Variants in NXPE4 observed in about 807,000 individuals in gnomAD.
The protein encoded by NXPE4 is NXPE family member 4.
NXPE4 carries 42 observed loss-of-function variants against 33.3 expected under a neutral mutation model. That is an observed-to-expected ratio of 1.26 (90% CI 0.98 to 1.63). The LOEUF is 1.63. Among genes scored for constraint, NXPE4 ranks in the 40% most tolerant of loss-of-function variants. The pLI, the probability that NXPE4 is intolerant of heterozygous loss-of-function variation, is 0.00. For missense variants in NXPE4, 709 were observed against 647.6 expected, an observed-to-expected ratio of 1.09 and a Z score of -1.03; for synonymous variants, 253 against 234.9, an observed-to-expected ratio of 1.08 and a Z score of -0.71.
the NXPE4 span, among the ~76,000 whole-genome samples, chr11:114,626,668 C>A: frequency 1.3e-5 from 2 of 152,148 alleles, no homozygotes; most frequent in Non-Finnish European, 2.9e-5. Context: ...CAAAGCTGGA[C>A]GGAGAATGAC....
chr11:114,631,431 C>A, the NXPE4 span, among the ~76,000 whole-genome samples: 2 of 148,792 alleles, frequency 1.3e-5, no homozygotes, highest in Non-Finnish European at 3.0e-5. Flanking sequence ...GAACAAAAAA[C>A]CAAACACTGC....
intron 5 of NXPE4, among the ~76,000 whole-genome samples, chr11:114,578,438 C>CTT (rs1471245629): frequency 2.6e-5 from 4 of 152,236 alleles, no homozygotes; most frequent in African/African-American, 9.6e-5. Context: ...GAATGTGATG[C>CTT]TAAAGGCTGT....
At chr11:114,618,075 C>A in the NXPE4 span, among the ~76,000 whole-genome samples, 2 of 151,848 alleles carry the variant, frequency 1.3e-5, no homozygotes, top group African/African-American at 4.8e-5. Context: ...AGTGTTGCCT[C>A]ATGGGTAACC....
chr11:114,581,906 G>T, intron 3 of NXPE4, 120 bp from the exon 4 acceptor site: 1 of 701,320 alleles, frequency 1.4e-6, no homozygotes, highest in Non-Finnish European at 2.4e-6. Flanking sequence ...TATGCCTACA[G>T]TTTCAGGCCA....
the NXPE4 span, among the ~76,000 whole-genome samples, chr11:114,676,069 C>T: frequency 6.6e-6 from 1 of 151,802 alleles, no homozygotes; most frequent in Non-Finnish European, 1.5e-5. Context: ...GAAACTAGAA[C>T]CTTATCTCAC....
At chr11:114,667,964 C>T in the NXPE4 span, among the ~76,000 whole-genome samples, 43 of 151,862 alleles carry the variant, frequency 2.8e-4, no homozygotes, top group East Asian at 7.0e-3. Flanking sequence ...ACAGAGGATA[C>T]AGAAACAAGC....
chr11:114,611,978 A>G, the NXPE4 span, among the ~76,000 whole-genome samples: 1,321 of 151,970 alleles, frequency 8.7e-3, 8 homozygotes, highest in Middle Eastern at 0.024. Context: ...CTCGTGGGTA[A>G]CCACAGTTAC....
chr11:114,582,224 G>T, intron 3 of NXPE4, 64 bp downstream of exon 3: 4 of 1,481,270 alleles, frequency 2.7e-6, no homozygotes, highest in South Asian at 1.4e-5. Context: ...ACTTTTCTTT[G>T]GATCAGTATA....
chr11:114,673,384 C>G, the NXPE4 span, among the ~76,000 whole-genome samples: 1 of 151,190 alleles, frequency 6.6e-6, no homozygotes, highest in East Asian at 1.9e-4. Context: ...GAAGAAAGAT[C>G]TCAAATCAAT....
At chr11:114,571,565 T>C in intron 5 of NXPE4, 92 bp from the exon 6 acceptor site, 1 of 1,142,090 alleles carries the variant, frequency 8.8e-7, no homozygotes, top group Non-Finnish European at 1.2e-6. Flanking sequence ...ATTGGTATAA[T>C]TAAATAAGCT....
chr11:114,634,122 CTGT>C, the NXPE4 span, among the ~76,000 whole-genome samples: 2 of 151,518 alleles, frequency 1.3e-5, no homozygotes, highest in Non-Finnish European at 2.9e-5. Context: ...TCTCCAGCAC[CTGT>C]TGTTTCCTGA....
chr11:114,626,721 G>A, the NXPE4 span, among the ~76,000 whole-genome samples: 27,358 of 152,116 alleles, frequency 0.18, 2,837 homozygotes, highest in Non-Finnish European at 0.22. Flanking sequence ...AAATTATTCC[G>A]AGCTATGGGA....
At chr11:114,642,467 C>T in the NXPE4 span, among the ~76,000 whole-genome samples, 1 of 152,044 alleles carries the variant, frequency 6.6e-6, no homozygotes, top group African/African-American at 2.4e-5. Flanking sequence ...TTTTCCCCTC[C>T]CTGTGTCCAT....
chr11:114,627,338 A>C, the NXPE4 span, among the ~76,000 whole-genome samples: 1 of 152,156 alleles, frequency 6.6e-6, no homozygotes, highest in African/African-American at 2.4e-5. Flanking sequence ...AAACTCTACA[A>C]GCCAGAAGAG....
the NXPE4 span, among the ~76,000 whole-genome samples, chr11:114,607,628 A>G: frequency 6.6e-6 from 1 of 151,828 alleles, no homozygotes; most frequent in East Asian, 2.0e-4. Context: ...CCCGGTGGAT[A>G]AGTGTTGCCT....
upstream of NXPE4, among the ~76,000 whole-genome samples, chr11:114,597,435 G>GTATA (rs1372472316): frequency 6.6e-6 from 1 of 152,158 alleles, no homozygotes; most frequent in Non-Finnish European, 1.5e-5. Flanking sequence ...AATGTAATGG[G>GTATA]TATATTAAAA....
At chr11:114,678,073 G>A in the NXPE4 span, among the ~76,000 whole-genome samples, 1 of 152,106 alleles carries the variant, frequency 6.6e-6, no homozygotes, top group Non-Finnish European at 1.5e-5. Context: ...ATGGTTTAGA[G>A]CAAGAGAAAG....
chr11:114,617,212 G>T, the NXPE4 span, among the ~76,000 whole-genome samples: 9 of 150,076 alleles, frequency 6.0e-5, no homozygotes, highest in Admixed American at 3.3e-4. Context: ...CCACTGTTAC[G>T]CATTGGATAA....
chr11:114,583,245 T>G lies in NXPE4; in HGVS notation c.97-224A>C, dbSNP rs1591340044. On this transcript the variant is annotated intron_variant, in intron 2 of 5. Coordinates refer to ENST00000375478, the MANE Select transcript of NXPE4 (RefSeq NM_001077639.2). Reference sequence around the variant, plus strand: ...ACAGGAGAGACAGAGGGACAGGAAGTGAGCAAGATGGCGCAAAGGCAGGGC... The same window carrying G: ...ACAGGAGAGACAGAGGGACAGGAAGGGAGCAAGATGGCGCAAAGGCAGGGC... 2.7e-5 allele frequency: 18 copies of G among 676,468 alleles called. No homozygotes were observed. The East Asian group carries it at 5.1e-4, about 19-fold the overall frequency. 41.9% of individuals were successfully genotyped at this position (676,468 alleles called of 1,614,324 possible).
Sources: gnomAD v4.1 joint callset for allele counts (sites outside exome capture counted in the v4.1 genomes callset) on GRCh38, gnomAD v4.1.1 for gene constraint, MANE v1.5 for transcripts, NCBI Gene and HGNC (gene_info 2026-07-23, HGNC 2026-07-21) for gene names.